PDSS2: variants seen among roughly 807,000 people sequenced by gnomAD.
PDSS2 encodes the protein all trans-polyprenyl-diphosphate synthase PDSS2.
Under a neutral mutation model 44.5 loss-of-function variants are expected in PDSS2, and 31 were observed. The observed-to-expected ratio is 0.70, with a 90% CI of 0.52 to 0.94. The LOEUF (loss-of-function observed/expected upper bound fraction) is 0.94, where lower values mean the gene tolerates loss of function less well. PDSS2 is among the 40% of genes least tolerant of loss of function. The probability of loss-of-function intolerance (pLI) is 0.00; values close to 1 mark genes in which losing one functional copy is unlikely to be tolerated. For missense variants in PDSS2, 452 were observed against 482.2 expected, an observed-to-expected ratio of 0.94 and a Z score of 0.59; for synonymous variants, 157 against 180.3, an observed-to-expected ratio of 0.87 and a Z score of 1.03.
chr6:107,183,638 G>A (rs1417226201), intron 7 of PDSS2, among the ~76,000 whole-genome samples: 2 of 152,062 alleles, frequency 1.3e-5, no homozygotes. Flanking sequence ...AGTGGCTCAC[G>A]CCTGTAATCT....
At chr6:107,444,594 G>C (rs186183005) in intron 1 of PDSS2, among the ~76,000 whole-genome samples, 1 of 152,224 alleles carries the variant, frequency 6.6e-6, no homozygotes, top group Admixed American at 6.5e-5. Flanking sequence ...TTTTCTCCTA[G>C]TCATCCATGA....
At chr6:107,456,159 A>C (rs1351401877) in intron 1 of PDSS2, among the ~76,000 whole-genome samples, 1 of 152,212 alleles carries the variant, frequency 6.6e-6, no homozygotes, top group African/African-American at 2.4e-5. Context: ...TGTCCCTACT[A>C]AAAATACAAA....
intron 1 of PDSS2, among the ~76,000 whole-genome samples, chr6:107,355,821 T>C (rs1347439478): frequency 3.9e-5 from 6 of 152,234 alleles, no homozygotes; most frequent in African/African-American, 1.2e-4. Context: ...TATCCCAGCA[T>C]ATGCCAATTT....
At chr6:107,217,817 A>G (rs1476650805) in intron 4 of PDSS2, among the ~76,000 whole-genome samples, 1 of 152,216 alleles carries the variant, frequency 6.6e-6, no homozygotes, top group Non-Finnish European at 1.5e-5. Context: ...TGACTAAAAC[A>G]GAGTTGAGAA....
intron 4 of PDSS2, among the ~76,000 whole-genome samples, chr6:107,244,023 G>C (rs947162746): frequency 1.3e-5 from 2 of 152,216 alleles, no homozygotes; most frequent in Non-Finnish European, 2.9e-5. Flanking sequence ...AGCTACTTGG[G>C]AGGCCGAGGC....
Position 107,459,277 on chromosome 6 carries a change from A to G in PDSS2, c.9T>C (p.Phe3=), listed in dbSNP as rs1390645286. The part of the protein sequence containing the change: MN[F]RQLLLHLPRY... ...GTGGCAAGTGCAACAGCAGCTGCCG[A>G]AAGTTCATGGTTTGAGTCTGGAAGG... The change falls in exon 1 of 8, where the codon TTT becomes TTC. Residue 3 remains phenylalanine (F), a synonymous_variant. Coordinates refer to ENST00000369037, the MANE Select transcript of PDSS2 (RefSeq NM_020381.4). This position sits in a 1 kb window ranked among gnomAD's most constrained non-coding sequence, Gnocchi z 4.3. 1 of 1,613,922 alleles carries G rather than the reference A, an allele frequency of 6.2e-7. No homozygotes were observed. The highest frequency in any genetic ancestry group is 1.3e-5 in the African/African-American group (1 of 74,950).
intron 2 of PDSS2, among the ~76,000 whole-genome samples, chr6:107,316,803 A>G (rs1296439902): frequency 6.6e-6 from 1 of 152,214 alleles, no homozygotes; most frequent in African/African-American, 2.4e-5. Flanking sequence ...TTAAAAAACA[A>G]AACATATACT....
chr6:107,349,423 A>G (rs1018660408), intron 1 of PDSS2, among the ~76,000 whole-genome samples: 1 of 146,166 alleles, frequency 6.8e-6, no homozygotes, highest in African/African-American at 2.6e-5. Flanking sequence ...ACAGAGCAAG[A>G]CTCCATCTCA....
chr6:107,360,000 T>A (rs78722306), intron 1 of PDSS2, among the ~76,000 whole-genome samples: 2,032 of 152,258 alleles, frequency 0.013, 62 homozygotes, highest in East Asian at 0.12. Flanking sequence ...GTCCAGAAGC[T>A]AGCCATTCAG....
chr6:107,344,895 A>T (rs1411951882), intron 1 of PDSS2, among the ~76,000 whole-genome samples: 1 of 152,192 alleles, frequency 6.6e-6, no homozygotes, highest in Non-Finnish European at 1.5e-5. Context: ...GTAACTAAAG[A>T]TTTAAAAATA....
chr6:107,219,506 C>G (rs1474181533), intron 4 of PDSS2, among the ~76,000 whole-genome samples: 14 of 152,166 alleles, frequency 9.2e-5, no homozygotes, highest in Non-Finnish European at 1.5e-4. Flanking sequence ...AGGGTGGTCT[C>G]AAACTTCTGA....
chr6:107,314,767 G>GT (rs1157505061), intron 2 of PDSS2, among the ~76,000 whole-genome samples: 1 of 152,186 alleles, frequency 6.6e-6, no homozygotes, highest in Non-Finnish European at 1.5e-5. Flanking sequence ...TTATTTTACA[G>GT]TAACGGTGGA....
intron 1 of PDSS2, among the ~76,000 whole-genome samples, chr6:107,425,276 C>G (rs578107424): frequency 1.3e-3 from 191 of 152,182 alleles, no homozygotes; most frequent in African/African-American, 4.4e-3. Flanking sequence ...GTGAAAGTAA[C>G]TTTGGAACTG....
intron 1 of PDSS2, among the ~76,000 whole-genome samples, chr6:107,389,369 A>G (rs991783220): frequency 4.6e-5 from 7 of 152,228 alleles, no homozygotes; most frequent in African/African-American, 1.7e-4. Flanking sequence ...ACTTTGGAAA[A>G]TAATATTTTG....
chr6:107,196,863 A>G (rs1008265897), intron 6 of PDSS2, among the ~76,000 whole-genome samples: 2 of 151,966 alleles, frequency 1.3e-5, no homozygotes, highest in African/African-American at 4.8e-5. Context: ...AATCATACCT[A>G]TGTAATGAAG....
intron 4 of PDSS2, among the ~76,000 whole-genome samples, chr6:107,236,378 G>T (rs530634146): frequency 7.8e-4 from 118 of 151,816 alleles, no homozygotes; most frequent in African/African-American, 2.8e-3. Flanking sequence ...TGAGGCAGGA[G>T]AATTGTTTGA....
At chr6:107,210,721 A>G in intron 5 of PDSS2, 151 bp from the exon 6 acceptor site, 1 of 622,272 alleles carries the variant, frequency 1.6e-6, no homozygotes. Flanking sequence ...AGAATATTTC[A>G]GGCCAGGTGC....
intron 1 of PDSS2, among the ~76,000 whole-genome samples, chr6:107,426,299 G>A (rs528970041): frequency 3.9e-5 from 6 of 152,304 alleles, no homozygotes; most frequent in East Asian, 1.9e-4. Flanking sequence ...GCTTCCACAC[G>A]GTGTTGAGCC....
At chr6:107,164,273 C>T (rs4308600) in intron 7 of PDSS2, among the ~76,000 whole-genome samples, 105,371 of 151,994 alleles carry the variant, frequency 0.69, 36,916 homozygotes, top group African/African-American at 0.74. Context: ...TCCACTAACT[C>T]GTCATTTACA....
Sources: gnomAD v4.1 joint callset for allele counts (sites outside exome capture counted in the v4.1 genomes callset) on GRCh38, gnomAD v4.1.1 for gene constraint, Gnocchi (gnomAD v3.1) non-coding constraint, MANE v1.5 for transcripts, NCBI Gene and HGNC (gene_info 2026-07-23, HGNC 2026-07-21) for gene names.